Variants in MYO9B observed in about 807,000 individuals in gnomAD.
The protein encoded by MYO9B is myosin IXB.
MYO9B carries 71 observed loss-of-function variants against 229.5 expected under a neutral mutation model. That is an observed-to-expected ratio of 0.31 (90% CI 0.26 to 0.38). MYO9B has a LOEUF of 0.38. Ranked by LOEUF, MYO9B falls within the 10% of genes least tolerant of loss-of-function variation. The pLI is 1.00. For missense variants in MYO9B, 2,255 were observed against 2,920.5 expected, an observed-to-expected ratio of 0.77 and a Z score of 5.25; for synonymous variants, 1,185 against 1,235.8, an observed-to-expected ratio of 0.96 and a Z score of 0.86.
At chr19:17,132,804 G>A (rs2072218169) in intron 2 of MYO9B, among the ~76,000 whole-genome samples, 1 of 151,508 alleles carries the variant, frequency 6.6e-6, no homozygotes, top group Non-Finnish European at 1.5e-5. Flanking sequence ...TGGAATTACA[G>A]GTGTGAGCCA....
intron 14 of MYO9B, among the ~76,000 whole-genome samples, chr19:17,179,914 TA>T (rs1366231593): frequency 2.3e-4 from 33 of 143,888 alleles, no homozygotes; most frequent in African/African-American, 7.8e-4. Context: ...AAAAATAAAA[TA>T]AAAATAAAAA....
At chr19:17,126,476 A>G (rs923276396) in intron 2 of MYO9B, among the ~76,000 whole-genome samples, 2 of 152,148 alleles carry the variant, frequency 1.3e-5, no homozygotes, top group African/African-American at 2.4e-5. Flanking sequence ...GACAGTCTGT[A>G]TTTCACACAG....
chr19:17,213,203 C>G lies in MYO9B; in HGVS notation c.*893C>G. The G allele has an allele frequency of 6.6e-6, 1 of 152,294 alleles. No individual in the cohort carries two copies. Among genetic ancestry groups the G allele is most frequent in the East Asian group, 1.9e-4 (1 of 5,200 alleles). 9.4% of individuals were successfully genotyped at this position (152,294 alleles called of 1,614,324 possible). On this transcript the variant is annotated 3_prime_UTR_variant, in exon 40 of 40. Transcript: ENST00000682292. ...AGGGCCCTCCTCTCTCAGGCTTGGC[C>G]CACTCCCCCAGACACCTGGACACGT...
intron 2 of MYO9B, among the ~76,000 whole-genome samples, chr19:17,113,984 T>C (rs1007880425): frequency 6.6e-6 from 1 of 152,002 alleles, no homozygotes; most frequent in Non-Finnish European, 1.5e-5. Flanking sequence ...GTGGGCTGGA[T>C]CATTCCGTTA....
intron 2 of MYO9B, among the ~76,000 whole-genome samples, chr19:17,114,924 C>A (rs1484772975): frequency 7.3e-6 from 1 of 137,646 alleles, no homozygotes; most frequent in African/African-American, 2.7e-5. Flanking sequence ...TGCTTTTCCC[C>A]TTTTTTTTTT....
At chr19:17,184,824 G>A (rs925112327) in intron 16 of MYO9B, 41 bp from the exon 17 acceptor site, 2 of 1,612,118 alleles carry the variant, frequency 1.2e-6, no homozygotes, top group Non-Finnish European at 8.5e-7. Context: ...TGCCCGTGTG[G>A]GCTGTGGGAG....
At chr19:17,153,357 A>ACC (rs1555698331) in intron 4 of MYO9B, among the ~76,000 whole-genome samples, 1 of 143,554 alleles carries the variant, frequency 7.0e-6, no homozygotes, top group Non-Finnish European at 1.5e-5. Context: ...ATGCACCACC[A>ACC]CGCCCGGCTA....
In MYO9B at chr19:17,115,554, C is replaced by T. The variant is rs530004190; in HGVS notation, c.840+12997C>T. On this transcript the variant is annotated intron_variant, in intron 2 of 39. Transcript: ENST00000682292. ...TGCGATCTCAGTTCACTGCAACCTCCGCCTCCCGGGTTCAAGCAATTCTCC... is the reference window on the plus strand; with the variant it reads ...TGCGATCTCAGTTCACTGCAACCTCTGCCTCCCGGGTTCAAGCAATTCTCC... Among the ~76,000 whole-genome samples the T allele has an allele frequency of 2.0e-3, 307 of 151,128 alleles. 2 individuals are homozygous for T. The highest frequency in any genetic ancestry group is 2.7e-3 in the South Asian group (13 of 4,758).
chr19:17,205,863 G>A (rs1228597036), intron 31 of MYO9B, 97 bp from the exon 32 acceptor site: 58 of 1,227,566 alleles, frequency 4.7e-5, no homozygotes, highest in Non-Finnish European at 6.4e-5. Flanking sequence ...AGGAAGCCCT[G>A]AGGGCCTTGT....
Position 17,184,847 on chromosome 19 carries a change from C to T in MYO9B, c.2374-18C>T. 6.2e-7 allele frequency: 1 copy of T among 1,613,534 alleles called. No individual in the cohort carries two copies. Among genetic ancestry groups the T allele is most frequent in the Admixed American group, 1.7e-5 (1 of 60,002 alleles). On this transcript the variant is annotated intron_variant, in intron 16 of 39. Transcript: ENST00000682292. Reference sequence around the variant, plus strand: ...TGGGCTGTGGGAGGGCAGGCCGGACCCCATGTGTCTGTCCTAGAACCTACT... The same window carrying T: ...TGGGCTGTGGGAGGGCAGGCCGGACTCCATGTGTCTGTCCTAGAACCTACT...
intron 20 of MYO9B, 76 bp downstream of exon 20, chr19:17,191,295 C>T: frequency 6.9e-7 from 1 of 1,452,888 alleles, no homozygotes; most frequent in Non-Finnish European, 9.1e-7. Context: ...CCCCAGGCCC[C>T]CAGGGCCACT....
chr19:17,127,312 G>T (rs1470058346), intron 2 of MYO9B, among the ~76,000 whole-genome samples: 1 of 144,388 alleles, frequency 6.9e-6, no homozygotes, highest in East Asian at 2.1e-4. Context: ...CCAATTTTTT[G>T]ACTTTTTTTC....
In MYO9B at chr19:17,101,883, C is replaced by T. The variant is rs1247462521; in HGVS notation, c.166C>T (p.Arg56Trp). 5 of 1,613,146 alleles carry T rather than the reference C, an allele frequency of 3.1e-6. No homozygotes were observed. The highest frequency in any genetic ancestry group is 1.1e-5 in the South Asian group (1 of 91,028). Residue 56 changes from arginine to tryptophan, a missense_variant, in exon 2 of 40, where the codon CGG (arginine) becomes TGG (tryptophan). Physicochemically the swap from Arg to Trp is moderately radical, Grantham distance 101. Around this residue, in one of 7 missense-constraint regions of MYO9B, gnomAD observed 386 missense variants for 515.2 expected, o/e 0.75. Coordinates refer to ENST00000682292, the MANE Select transcript of MYO9B (RefSeq NM_004145.4). This position sits in a 1 kb window ranked among gnomAD's most constrained non-coding sequence, Gnocchi z 4.7. ...CATCAAGGACGCCATTGCCAGCCTGCGGCTGGACGGCACCAAATGTTATGT... is the reference window on the plus strand; with the variant it reads ...CATCAAGGACGCCATTGCCAGCCTGTGGCTGGACGGCACCAAATGTTATGT... ...DVIKDAIASL[R>W]LDGTKCYVLV...
intron 6 of MYO9B, among the ~76,000 whole-genome samples, chr19:17,155,109 G>C (rs1231734413): frequency 6.6e-6 from 1 of 152,090 alleles, no homozygotes; most frequent in Non-Finnish European, 1.5e-5. Flanking sequence ...TTTCAGCTCG[G>C]GCAACAGAGT....
At chr19:17,205,166 A>AT in intron 30 of MYO9B, 97 bp from the exon 31 acceptor site, 1 of 841,266 alleles carries the variant, frequency 1.2e-6, no homozygotes, top group Non-Finnish European at 1.9e-6. Context: ...AAAAAAAAAA[A>AT]GAAGGCAATT....
chr19:17,102,270 G>A lies in MYO9B; in HGVS notation c.553G>A (p.Ala185Thr), dbSNP rs2057752357. 1.9e-6 allele frequency: 3 copies of A among 1,614,016 alleles called. No individual in the cohort carries two copies. The highest frequency in any genetic ancestry group is 2.7e-5 in the African/African-American group (2 of 75,042). The stretch of plus-strand genomic sequence containing the variant: ...CACGTACGCGGGGAGCATCCTGGTG[G>A]CCATCAACCCCTTTAAGTTCCTGCC... ...IYTYAGSILV[A>T]INPFKFLPIY... The change falls in exon 2 of 40, where the codon GCC becomes ACC. Residue 185 changes from alanine (A) to threonine (T), a missense_variant. Transcript: ENST00000682292.
chr19:17,109,999 C>T (rs1211224554), intron 2 of MYO9B, among the ~76,000 whole-genome samples: 1 of 152,188 alleles, frequency 6.6e-6, no homozygotes, highest in Non-Finnish European at 1.5e-5. Flanking sequence ...GGGGTTTGAA[C>T]CCGGCCTGAG....
chr19:17,149,535 G>C (rs563592726), intron 3 of MYO9B, among the ~76,000 whole-genome samples: 9 of 152,182 alleles, frequency 5.9e-5, no homozygotes, highest in Non-Finnish European at 1.3e-4. Context: ...CACAACCTCA[G>C]GACTGTGGCC....
At chr19:17,208,246 G>C in intron 35 of MYO9B, among the ~76,000 whole-genome samples, 1 of 146,960 alleles carries the variant, frequency 6.8e-6, no homozygotes, top group East Asian at 2.1e-4. Context: ...GGCTGAGGCA[G>C]GATAATTGCT....
Sources: gnomAD v4.1 joint callset for allele counts (sites outside exome capture counted in the v4.1 genomes callset) on GRCh38, gnomAD v4.1.1 for gene constraint, gnomAD v4.1.1 regional missense constraint, Gnocchi (gnomAD v3.1) non-coding constraint, MANE v1.5 for transcripts, NCBI Gene and HGNC (gene_info 2026-07-23, HGNC 2026-07-21) for gene names.